ERCC5: variants seen among roughly 807,000 people sequenced by gnomAD.
The protein encoded by ERCC5 is DNA excision repair protein ERCC-5.
Under a neutral mutation model 105.6 loss-of-function variants are expected in ERCC5, and 68 were observed. The observed-to-expected ratio is 0.64, with a 90% confidence interval of 0.53 to 0.79. The LOEUF (loss-of-function observed/expected upper bound fraction) is 0.79, where lower values mean the gene tolerates loss of function less well. ERCC5 is among the 30% of genes least tolerant of loss of function. The pLI, the probability that ERCC5 is intolerant of heterozygous loss-of-function variation, is 0.00. For missense variants in ERCC5, 1,373 were observed against 1,426.7 expected, an observed-to-expected ratio of 0.96 and a Z score of 0.61; for synonymous variants, 546 against 526.2, an observed-to-expected ratio of 1.04 and a Z score of -0.51.
rs1399343767 is a variant in ERCC5, at chr13:102,875,339, A to G, written c.2997A>G (p.Leu999=). 2 of 1,613,952 alleles carry G rather than the reference A, an allele frequency of 1.2e-6. No homozygotes were observed. The highest frequency in any genetic ancestry group is 1.3e-5 in the African/African-American group (1 of 74,928). The change falls in exon 15 of 15, where the codon TTA becomes TTG. Residue 999 remains leucine, a synonymous_variant. Transcript: ENST00000652225. ...TCCGAATTGATTCCTTCTTTAGATT[A>G]GCACAACAGGAGAAAGAAGATGCTA... The part of the protein sequence containing the change: ...TQLRIDSFFR[L]AQQEKEDAKR...
In ERCC5 at chr13:102,865,820, A is replaced by G. The variant is rs199651040; in HGVS notation, c.2108A>G (p.Asp703Gly). Reference sequence around the variant, plus strand: ...GCTGAGTCCGAGAGCCTCCTGAGGGACAACTCTGAGAGGGACGACGTGGAT... The same window carrying G: ...GCTGAGTCCGAGAGCCTCCTGAGGGGCAACTCTGAGAGGGACGACGTGGAT... ...APAESESLLR[D>G]NSERDDVDGE... The change falls in exon 9 of 15, where the codon GAC becomes GGC. Residue 703 changes from aspartate to glycine, a missense_variant. Physicochemically the swap from Asp to Gly is moderately conservative, Grantham distance 94 (BLOSUM62 -1). Coordinates refer to ENST00000652225, the MANE Select transcript of ERCC5 (RefSeq NM_000123.4). The surrounding 1 kb of genome is among the most constrained non-coding windows in gnomAD (Gnocchi z 4.0). 151 of 1,614,230 alleles carry G rather than the reference A, an allele frequency of 9.4e-5. No individual in the cohort carries two copies. In the South Asian group the frequency reaches 1.1e-3, roughly 12 times the overall value.
At position 102,875,538 on chromosome 13, in the gene ERCC5, G is replaced by A; in HGVS notation, c.3196G>A (p.Glu1066Lys). ...GAGAGGCATAACAAATACCTTAGAA[G>A]AGTCATCAAGCCTGAAAAGAAAGAG... The part of the protein sequence containing the change: ...QKRGITNTLE[E>K]SSSLKRKRLS... Residue 1066 changes from glutamate to lysine, a missense_variant, in exon 15 of 15, where the codon GAG (glutamate) becomes AAG (lysine). Glu to Lys is a moderately conservative substitution (Grantham distance 56, BLOSUM62 1). Transcript: ENST00000652225. 1 of 1,613,736 alleles carries A rather than the reference G, an allele frequency of 6.2e-7. No individual in the cohort carries two copies.
Position 102,846,254 on chromosome 13 carries a change from A to G in ERCC5, c.-13A>G, listed in dbSNP as rs1032386191. ...GAAGTTGTCGGGGTCCGCTCTTAGG[A>G]CGCAGCCGCCTCATGGGGGTCCAGG... On this transcript the variant is annotated 5_prime_UTR_variant, in exon 1 of 15. Transcript: ENST00000652225. The G allele has an allele frequency of 1.2e-6, 2 of 1,610,842 alleles. No individual in the cohort carries two copies. The highest frequency in any genetic ancestry group is 1.7e-6 in the Non-Finnish European group (2 of 1,178,322).
chr13:102,869,515 T>G (rs919856601), intron 12 of ERCC5, among the ~76,000 whole-genome samples: 1 of 152,112 alleles, frequency 6.6e-6, no homozygotes, highest in African/African-American at 2.4e-5. Flanking sequence ...TGTGTATGAT[T>G]TTTTTTATAA....
In ERCC5 at chr13:102,865,700, A is replaced by G. The variant is rs1761243910; in HGVS notation, c.1988A>G (p.Asp663Gly). ...SFIEVQSVISDEELQAEFPET... is the reference protein window; with the variant it reads ...SFIEVQSVISGEELQAEFPET... ...ATTGAAGTGCAAAGTGTGATTAGTG[A>G]TGAGGAACTTCAAGCAGAATTCCCT... Residue 663 changes from aspartate (D) to glycine (G), a missense_variant, in exon 9 of 15, where the codon GAT (aspartate) becomes GGT (glycine). This residue lies in a region of ERCC5 where 1,004 missense variants were observed against 1,059.7 expected (regional missense o/e 0.95). Transcript: ENST00000652225. This position sits in a 1 kb window ranked among gnomAD's most constrained non-coding sequence, Gnocchi z 4.0. The G allele has an allele frequency of 6.2e-7, 1 of 1,613,912 alleles. No individual in the cohort carries two copies. Among genetic ancestry groups the G allele is most frequent in the Non-Finnish European group, 8.5e-7 (1 of 1,179,900 alleles).
Position 102,861,697 on chromosome 13 carries a change from A to T in ERCC5, c.863A>T (p.His288Leu). 1 of 1,614,170 alleles carries T rather than the reference A, an allele frequency of 6.2e-7. No homozygotes were observed. The highest frequency in any genetic ancestry group is 8.5e-7 in the Non-Finnish European group (1 of 1,180,012). ...SRRVVSEDTS[H>L]YILIKGIQAK... Reference sequence around the variant, plus strand: ...AGAGTGGTCTCTGAAGACACTTCACATTACATCTTGATAAAAGGTATCAGG... The same window carrying T: ...AGAGTGGTCTCTGAAGACACTTCACTTTACATCTTGATAAAAGGTATCAGG... The change falls in exon 7 of 15, where the codon CAT becomes CTT. Residue 288 changes from histidine (H) to leucine (L), a missense_variant. His to Leu is a moderately conservative substitution (Grantham distance 99). Transcript: ENST00000652225.
chr13:102,854,236 C>T, intron 3 of ERCC5, 52 bp from the exon 4 acceptor site: 1 of 1,574,734 alleles, frequency 6.4e-7, no homozygotes, highest in South Asian at 1.1e-5. Flanking sequence ...TCCCTGTTCA[C>T]CATCCTGAGC....
chr13:102,853,855 T>C lies in ERCC5; in HGVS notation c.363T>C (p.Thr121=), dbSNP rs1190195316. The C allele has an allele frequency of 1.2e-6, 2 of 1,614,220 alleles. No individual in the cohort carries two copies. The highest frequency in any genetic ancestry group is 1.7e-6 in the Non-Finnish European group (2 of 1,180,022). ...TTTTGAAAAGACAAGCCATCAAAACTGCCTTCAGAAGCAAAAGGCAAGAGG... is the reference window on the plus strand; with the variant it reads ...TTTTGAAAAGACAAGCCATCAAAACCGCCTTCAGAAGCAAAAGGCAAGAGG... ...KTFLKRQAIK[T]AFRSKRDEAL... Residue 121 remains threonine (T), a synonymous_variant, in exon 3 of 15, where the codon ACT becomes ACC. Coordinates refer to ENST00000652225, the MANE Select transcript of ERCC5 (RefSeq NM_000123.4).
intron 3 of ERCC5, 192 bp downstream of exon 3, chr13:102,854,064 A>C (rs1595377821): frequency 1.4e-6 from 1 of 730,758 alleles, no homozygotes; most frequent in East Asian, 2.7e-5. Flanking sequence ...GTGAGAATCA[A>C]CTTTGCTAAT....
At position 102,846,264 on chromosome 13, in the gene ERCC5, C is replaced by T. The variant is rs1156580046; in HGVS notation, c.-3C>T. 1.2e-6 allele frequency: 2 copies of T among 1,612,746 alleles called. No individual in the cohort carries two copies. Among genetic ancestry groups the T allele is most frequent in the East Asian group, 2.2e-5 (1 of 44,860 alleles). ...GGGTCCGCTCTTAGGACGCAGCCGC[C>T]TCATGGGGGTCCAGGGGCTCTGGAA... On this transcript the variant is annotated 5_prime_UTR_variant, in exon 1 of 15. Coordinates refer to ENST00000652225, the MANE Select transcript of ERCC5 (RefSeq NM_000123.4).
rs1840214736 is a variant in ERCC5 at position 102,872,377 on chromosome 13, C to T, written c.2858C>T (p.Pro953Leu). The change falls in exon 13 of 15, where the codon CCT becomes CTT. Residue 953 changes from proline to leucine, a missense_variant. By Grantham distance (98) the Pro-to-Leu change is moderately conservative. Transcript: ENST00000652225. ...AAGGGATCCTTTCTGTGGGGGAAAC[C>T]TGATCTCGACAAAATTAGAGAATAT... Reference protein sequence around the residue: ...DSKGSFLWGKPDLDKIREFCQ... With the variant: ...DSKGSFLWGKLDLDKIREFCQ... 6.2e-7 allele frequency: 1 copy of T among 1,614,062 alleles called. No individual in the cohort carries two copies. The highest frequency in any genetic ancestry group is 2.2e-5 in the East Asian group (1 of 44,898).
chr13:102,851,110 G>T (rs559131372), intron 1 of ERCC5, among the ~76,000 whole-genome samples: 2 of 152,036 alleles, frequency 1.3e-5, no homozygotes, highest in African/African-American at 4.8e-5. Flanking sequence ...TAATATTTTG[G>T]TATGTGAACT....
At position 102,866,617 on chromosome 13, in the gene ERCC5, C is replaced by T. The variant is rs886049940; in HGVS notation, c.2320-15C>T. 5.6e-6 allele frequency: 9 copies of T among 1,612,310 alleles called. No individual in the cohort carries two copies. The highest frequency in any genetic ancestry group is 7.6e-6 in the Non-Finnish European group (9 of 1,179,818). The stretch of plus-strand genomic sequence containing the variant: ...GCCCTTCCCTGGGCGTCACTGTGTA[C>T]CCCTCACTCTGCAGGAACTCCTGCG... On this transcript the variant is annotated splice_polypyrimidine_tract_variant and intron_variant, in intron 10 of 14. Coordinates refer to ENST00000652225, the MANE Select transcript of ERCC5 (RefSeq NM_000123.4).
chr13:102,867,794 G>A (rs1295029899), intron 11 of ERCC5, among the ~76,000 whole-genome samples: 8 of 152,142 alleles, frequency 5.3e-5, no homozygotes, highest in African/African-American at 1.9e-4. Flanking sequence ...TGATAAATTG[G>A]GGATGCTCAT....
chr13:102,857,557 G>T (rs1229362015), intron 5 of ERCC5, among the ~76,000 whole-genome samples: 3 of 152,122 alleles, frequency 2.0e-5, no homozygotes, highest in Non-Finnish European at 4.4e-5. Flanking sequence ...ACTAATGAAG[G>T]ATTTTAAAGT....
rs1398181442 is a variant in ERCC5, at chr13:102,866,369, C to T, written c.2307C>T (p.Phe769=). The change falls in exon 10 of 15, where the codon TTC becomes TTT. Residue 769 remains phenylalanine (F), a synonymous_variant. Coordinates refer to ENST00000652225, the MANE Select transcript of ERCC5 (RefSeq NM_000123.4). ...CTGCTACTGTCACCGGACAGATGTT[C>T]CTGGAAAGCCAGGTGGGTGCAGGCA... ...RIAATVTGQM[F]LESQELLRLF... is the part of the protein sequence containing the mutation. The T allele has an allele frequency of 6.2e-7, 1 of 1,614,012 alleles. No homozygotes were observed. Among genetic ancestry groups the T allele is most frequent in the Non-Finnish European group, 8.5e-7 (1 of 1,179,972 alleles).
intron 12 of ERCC5, among the ~76,000 whole-genome samples, chr13:102,868,619 C>A (rs1176833129): frequency 6.6e-6 from 1 of 152,212 alleles, no homozygotes; most frequent in African/African-American, 2.4e-5. Context: ...CTCAAGGACT[C>A]CCCCCATATA....
chr13:102,866,830 T>C lies in ERCC5; in HGVS notation c.2518T>C (p.Phe840Leu). ...KFVEYYQYVD[F>L]HNQLGLDRNK... is the part of the protein sequence containing the mutation. ...TGTAGAATATTATCAATATGTGGAC[T>C]TTCACAATCAATTGGGTAAGACTTC... Residue 840 changes from phenylalanine to leucine, a missense_variant, in exon 11 of 15, where the codon TTT becomes CTT. Physicochemically the swap from Phe to Leu is conservative, Grantham distance 22. Around this residue, in one of 3 missense-constraint regions of ERCC5, gnomAD observed 1,004 missense variants for 1,059.7 expected, o/e 0.95. Transcript: ENST00000652225. 1.2e-6 allele frequency: 2 copies of C among 1,611,110 alleles called. No homozygotes were observed. The highest frequency in any genetic ancestry group is 1.7e-6 in the Non-Finnish European group (2 of 1,178,128).
intron 8 of ERCC5, 49 bp downstream of exon 8, chr13:102,863,152 C>G (rs763375429): frequency 1.3e-6 from 2 of 1,589,350 alleles, no homozygotes; most frequent in Admixed American, 1.7e-5. Flanking sequence ...GATTTCCCCT[C>G]TGTAGGAATT....
Sources: allele counts gnomAD v4.1 joint callset (sites outside exome capture counted in the v4.1 genomes callset), GRCh38; gene constraint gnomAD v4.1.1; regional missense constraint gnomAD v4.1.1; non-coding constraint Gnocchi (gnomAD v3.1); transcripts MANE v1.5; gene names NCBI Gene and HGNC (gene_info 2026-07-23, HGNC 2026-07-21).